PIGN: variants seen among roughly 807,000 people sequenced by gnomAD.
PIGN encodes phosphatidylinositol glycan anchor biosynthesis class N.
A neutral mutation model predicts 125.4 loss-of-function variants in PIGN; 117 were observed. That is an observed-to-expected ratio of 0.93 (90% CI 0.80 to 1.09). PIGN has a LOEUF of 1.09. Ranked by LOEUF, PIGN falls within the 50% of genes least tolerant of loss-of-function variation. PIGN has a pLI of 0.00. For synonymous variants in PIGN, 392 were observed against 377.8 expected (o/e 1.04, Z -0.44); for missense variants, 1,075 against 1,094.9 (o/e 0.98, Z 0.26).
At position 62,082,663 on chromosome 18, in the gene PIGN, T is replaced by C; in HGVS notation, c.2576+10A>G. On this transcript the variant is annotated intron_variant, in intron 28 of 30. Coordinates refer to ENST00000640252, the MANE Select transcript of PIGN (RefSeq NM_176787.5). Reference sequence around the variant, plus strand: ...GCAAATCAAATGTTTCTTAAACTAATTCATCTTACCTTTTTGACGATAACT... The same window carrying C: ...GCAAATCAAATGTTTCTTAAACTAACTCATCTTACCTTTTTGACGATAACT... The C allele has an allele frequency of 6.8e-7, 1 of 1,470,256 alleles. No individual in the cohort carries two copies. Among genetic ancestry groups the C allele is most frequent in the Non-Finnish European group, 9.3e-7 (1 of 1,073,466 alleles). 91.1% of individuals were successfully genotyped at this position (1,470,256 alleles called of 1,614,324 possible).
intron 14 of PIGN, among the ~76,000 whole-genome samples, chr18:62,126,504 T>G (rs1475253108): frequency 6.6e-6 from 1 of 152,198 alleles, no homozygotes; most frequent in South Asian, 2.1e-4. Flanking sequence ...TTATATGTGC[T>G]TAAAAGCTTC....
At chr18:62,120,719 T>C (rs1050946594) in intron 14 of PIGN, among the ~76,000 whole-genome samples, 4 of 151,980 alleles carry the variant, frequency 2.6e-5, no homozygotes, top group Non-Finnish European at 5.9e-5. Context: ...CAAGCCAATA[T>C]GTGGGCAGGG....
chr18:62,132,704 C>T (rs899777382), intron 14 of PIGN, among the ~76,000 whole-genome samples: 1 of 151,958 alleles, frequency 6.6e-6, no homozygotes, highest in Non-Finnish European at 1.5e-5. Context: ...AAATAAAATT[C>T]TGATTATGAT....
intron 21 of PIGN, 38 bp from the exon 22 acceptor site, chr18:62,101,221 G>A (rs1205627058): frequency 8.4e-7 from 1 of 1,189,770 alleles, no homozygotes; most frequent in African/African-American, 1.5e-5. Flanking sequence ...AAAAGAGAAG[G>A]TAGTGAAAGA....
chr18:62,107,071 T>C lies in PIGN; in HGVS notation c.1589A>G (p.Gln530Arg), dbSNP rs867220244. ...GGTCAACACTGATACAACAAGGTCC[T>C]GAATAACTTGAAATCTGTTTCAAAT... The part of the protein sequence containing the change: ...YAVLREFQVI[Q>R]DLVVSVLTYP... Residue 530 changes from glutamine to arginine, a missense_variant, in exon 18 of 31, where the codon CAG becomes CGG. Coordinates refer to ENST00000640252, the MANE Select transcript of PIGN (RefSeq NM_176787.5). 5.7e-6 allele frequency: 9 copies of C among 1,574,720 alleles called. No homozygotes were observed. The highest frequency in any genetic ancestry group is 6.0e-6 in the Non-Finnish European group (7 of 1,158,286).
Position 62,102,869 on chromosome 18 carries a change from G to C in PIGN, c.1893C>G (p.Ser631=). The C allele has an allele frequency of 6.3e-7, 1 of 1,584,494 alleles. No homozygotes were observed. Among genetic ancestry groups the C allele is most frequent in the Non-Finnish European group, 8.6e-7 (1 of 1,164,444 alleles). The part of the protein sequence containing the change: ...MGAGLLVLLL[S]LCVVTSLMKR... ...TCATGAGAGATGTTACAACACACAG[G>C]GATAACAGAAGAACCAGCAAGCCTG... The change falls in exon 21 of 31, where the codon TCC becomes TCG. Residue 631 remains serine, a synonymous_variant. Transcript: ENST00000640252.
At position 62,147,036 on chromosome 18, in the gene PIGN, T is replaced by C. The variant is rs2036358738; in HGVS notation, c.740A>G (p.His247Arg). Residue 247 changes from histidine (H) to arginine (R), a missense_variant, in exon 9 of 31, where the codon CAC (histidine) becomes CGC (arginine). Around this residue, in one of 3 missense-constraint regions of PIGN, gnomAD observed 915 missense variants for 908.7 expected, o/e 1.01. Transcript: ENST00000640252. ...GVKEIVSMFN[H>R]FYGNDGKTTF... is the part of the protein sequence containing the mutation. ...TGTTTTCCCATCATTTCCATAGAAG[T>C]GGTTAAACATAGACACGATTTCTTT... 1 of 1,610,744 alleles carries C rather than the reference T, an allele frequency of 6.2e-7. No individual in the cohort carries two copies. The highest frequency in any genetic ancestry group is 1.3e-5 in the African/African-American group (1 of 75,004).
At chr18:62,034,828 A>G (rs1399417813) in intron 23 of PIGN, among the ~76,000 whole-genome samples, 3 of 152,154 alleles carry the variant, frequency 2.0e-5, no homozygotes, top group Non-Finnish European at 2.9e-5. Context: ...TGGACTTCTG[A>G]GTTAATACTG....
chr18:62,037,461 C>T (rs2030275895), downstream of PIGN, among the ~76,000 whole-genome samples: 1 of 152,222 alleles, frequency 6.6e-6, no homozygotes, highest in South Asian at 2.1e-4. Flanking sequence ...AGGGCCCCAT[C>T]GTGCAGACAA....
intron 23 of PIGN, among the ~76,000 whole-genome samples, chr18:62,022,817 G>A (rs2030069704): frequency 1.3e-5 from 2 of 152,194 alleles, no homozygotes; most frequent in Admixed American, 1.3e-4. Context: ...CTTGGTATCT[G>A]TGGGGAATTT....
In PIGN at chr18:62,042,756, A is replaced by G. The variant is rs902600405; in HGVS notation, c.*3100T>C. On this transcript the variant is annotated 3_prime_UTR_variant, in exon 31 of 31. Transcript: ENST00000640252. ...TGAAACCCTGTCTCCATCAAAAAAT[A>G]TTTTAAAATTAGCTAGGTGTGGGGG... 3.0e-4 allele frequency: 45 copies of G among 152,008 alleles called. No homozygotes were observed. The highest frequency in any genetic ancestry group is 1.1e-3 in the African/African-American group (44 of 41,396). 9.4% of individuals were successfully genotyped at this position (152,008 alleles called of 1,614,324 possible). A position where few individuals can be genotyped will look rare whatever the true frequency, so the allele number is the denominator to read the frequency against.
intron 25 of PIGN, among the ~76,000 whole-genome samples, chr18:62,086,708 A>T (rs1263513972): frequency 6.6e-6 from 1 of 151,884 alleles, no homozygotes; most frequent in Non-Finnish European, 1.5e-5. Flanking sequence ...ATCAAGAAAC[A>T]TCAGTGACTG....
intron 11 of PIGN, among the ~76,000 whole-genome samples, chr18:62,142,984 G>C (rs1025553015): frequency 6.6e-6 from 1 of 152,180 alleles, no homozygotes; most frequent in Non-Finnish European, 1.5e-5. Flanking sequence ...AATTTTAATA[G>C]ATCTGTGCTT....
At chr18:62,068,114 G>GT (rs1555675623) in intron 30 of PIGN, among the ~76,000 whole-genome samples, 2 of 152,040 alleles carry the variant, frequency 1.3e-5, no homozygotes, top group Non-Finnish European at 2.9e-5. Flanking sequence ...TTGTTTGTTT[G>GT]TTTTTTTGTC....
chr18:62,085,173 T>C, intron 26 of PIGN, 36 bp downstream of exon 26: 1 of 1,155,994 alleles, frequency 8.7e-7, no homozygotes, highest in Admixed American at 2.3e-5. Context: ...CATTATTTTT[T>C]AGTTATATAT....
intron 1 of PIGN, among the ~76,000 whole-genome samples, chr18:62,173,331 G>A (rs1307208626): frequency 6.6e-6 from 1 of 152,128 alleles, no homozygotes; most frequent in Non-Finnish European, 1.5e-5. Context: ...CCGAGCCTCA[G>A]ACAATCCTCC....
intron 30 of PIGN, among the ~76,000 whole-genome samples, chr18:62,066,641 G>A (rs774831316): frequency 2.0e-5 from 3 of 152,066 alleles, no homozygotes; most frequent in Non-Finnish European, 2.9e-5. Context: ...TCAGGACTCC[G>A]ATCTCAGATA....
intron 23 of PIGN, among the ~76,000 whole-genome samples, chr18:62,028,837 A>G (rs532627502): frequency 9.3e-4 from 141 of 152,368 alleles, no homozygotes; most frequent in Middle Eastern, 6.8e-3. Flanking sequence ...AGAAAGGGCA[A>G]CAGTTTTCAC....
intron 30 of PIGN, among the ~76,000 whole-genome samples, chr18:62,064,046 G>A (rs1268691192): frequency 6.6e-6 from 1 of 152,090 alleles, no homozygotes; most frequent in African/African-American, 2.4e-5. Flanking sequence ...TCTGCACGTT[G>A]TGCACATGTA....
Sources: gnomAD v4.1 joint callset for allele counts (sites outside exome capture counted in the v4.1 genomes callset) on GRCh38, gnomAD v4.1.1 for gene constraint, gnomAD v4.1.1 regional missense constraint, MANE v1.5 for transcripts, NCBI Gene and HGNC (gene_info 2026-07-23, HGNC 2026-07-21) for gene names.